Variants in ATXN10 observed in about 807,000 individuals in gnomAD.
The protein encoded by ATXN10 is ataxin 10, also known as ataxin-10.
A neutral mutation model predicts 52.9 loss-of-function variants in ATXN10; 28 were observed. That is an observed-to-expected ratio of 0.53 (90% CI 0.39 to 0.73). ATXN10 has a LOEUF of 0.73. Among genes scored for constraint, ATXN10 ranks in the 30% least tolerant of loss-of-function variants. The pLI, the probability that ATXN10 is intolerant of heterozygous loss-of-function variation, is 0.00. For missense variants in ATXN10, 565 were observed against 577.0 expected (o/e 0.98, Z 0.21); for synonymous variants, 226 against 221.5 (o/e 1.02, Z -0.18).
At chr22:45,788,207 G>A (rs1026495525) in intron 9 of ATXN10, among the ~76,000 whole-genome samples, 39 of 152,228 alleles carry the variant, frequency 2.6e-4, no homozygotes, top group African/African-American at 9.1e-4. Flanking sequence ...CATTTTCAAT[G>A]TATAAGAGAT....
intron 7 of ATXN10, among the ~76,000 whole-genome samples, chr22:45,729,943 C>T (rs1925023599): frequency 6.6e-6 from 1 of 152,084 alleles, no homozygotes; most frequent in African/African-American, 2.4e-5. Flanking sequence ...TCTAGGAGGG[C>T]AGAAATTTTG....
chr22:45,793,218 CAT>C (rs1294089121), intron 9 of ATXN10: 1 of 158,702 alleles, frequency 6.3e-6, no homozygotes, highest in African/African-American at 2.4e-5. Context: ...AACCCAAAGA[CAT>C]AGAATTGTTT....
chr22:45,707,418 A>G (rs1192289908), intron 5 of ATXN10, among the ~76,000 whole-genome samples: 1 of 152,116 alleles, frequency 6.6e-6, no homozygotes, highest in Non-Finnish European at 1.5e-5. Flanking sequence ...ACATACAATA[A>G]TATGATGTGT....
At chr22:45,808,387 G>A (rs1184374079) in intron 10 of ATXN10, among the ~76,000 whole-genome samples, 3 of 152,268 alleles carry the variant, frequency 2.0e-5, no homozygotes, top group Admixed American at 1.3e-4. Context: ...AGTGAAGCAG[G>A]GTGTTCATTG....
intron 6 of ATXN10, among the ~76,000 whole-genome samples, chr22:45,724,082 C>G (rs138160): frequency 1.3e-5 from 2 of 151,798 alleles, no homozygotes; most frequent in Non-Finnish European, 1.5e-5. Flanking sequence ...TTGTTCATTC[C>G]TCAGTTGATG....
chr22:45,806,939 C>T lies in ATXN10; in HGVS notation c.1174-20C>T, dbSNP rs41279803. 0.01 allele frequency: 16,437 copies of T among 1,604,158 alleles called. 127 individuals are homozygous for T. The highest frequency in any genetic ancestry group is 0.033 in the African/African-American group (2,442 of 74,802). ...AGCCATGCTGTTTTCAGTGTATAAA[C>T]TTATCTTCTTTCTCTCTAGGTAAAT... On this transcript the variant is annotated intron_variant, in intron 9 of 11. Transcript: ENST00000252934.
At chr22:45,798,918 C>T (rs1340544707) in intron 9 of ATXN10, among the ~76,000 whole-genome samples, 2 of 152,032 alleles carry the variant, frequency 1.3e-5, no homozygotes, top group Admixed American at 6.5e-5. Flanking sequence ...TAAACTTTAA[C>T]GAAATATGTG....
chr22:45,781,915 C>T lies in ATXN10; in HGVS notation c.1174-25044C>T, dbSNP rs1406415004. Among the ~76,000 whole-genome samples the T allele has an allele frequency of 6.6e-6, 1 of 152,126 alleles. No homozygotes were observed. Among genetic ancestry groups the T allele is most frequent in the Non-Finnish European group, 1.5e-5 (1 of 68,010 alleles). ...ACTGGAGGATGGAATAAAAATTATC[C>T]AGTCTGAACAACAGAAAGAAAATAG... On this transcript the variant is annotated intron_variant, in intron 9 of 11. Coordinates refer to ENST00000252934, the MANE Select transcript of ATXN10 (RefSeq NM_013236.4). The surrounding 1 kb of genome is among the most constrained non-coding windows in gnomAD (Gnocchi z 4.2).
chr22:45,780,647 G>A lies in ATXN10; in HGVS notation c.1174-26312G>A, dbSNP rs1246091239. On this transcript the variant is annotated intron_variant, in intron 9 of 11. Transcript: ENST00000252934. This position sits in a 1 kb window ranked among gnomAD's most constrained non-coding sequence, Gnocchi z 4.0. Reference sequence around the variant, plus strand: ...CGTGAACAGTGCTGGCCAATGCTTAGTACATATTAACTGCCTTTATTTTTG... The same window carrying A: ...CGTGAACAGTGCTGGCCAATGCTTAATACATATTAACTGCCTTTATTTTTG... 2.0e-5 allele frequency among the ~76,000 whole-genome samples: 3 copies of A among 152,220 alleles called. No individual in the cohort carries two copies. Among genetic ancestry groups the A allele is most frequent in the African/African-American group, 7.2e-5 (3 of 41,450 alleles).
intron 2 of ATXN10, among the ~76,000 whole-genome samples, chr22:45,691,004 T>C (rs1188911604): frequency 6.6e-6 from 1 of 152,176 alleles, no homozygotes; most frequent in Non-Finnish European, 1.5e-5. Flanking sequence ...TAGACACATA[T>C]ACCCGAGGCT....
At position 45,672,119 on chromosome 22, in the gene ATXN10, C is replaced by G; in HGVS notation, c.56C>G (p.Pro19Arg). The G allele has an allele frequency of 6.5e-7, 1 of 1,540,338 alleles. No homozygotes were observed. Among genetic ancestry groups the G allele is most frequent in the East Asian group, 2.5e-5 (1 of 40,780 alleles). ...CTGTCGGGCGTCATGGTGCCGGCGC[C>G]CATCCAAGACCTGGAGGCCCTGCGC... is the stretch of plus-strand genomic sequence containing the variant. ...ARLSGVMVPA[P>R]IQDLEALRAL... The change falls in exon 1 of 12, where the codon CCC becomes CGC. Residue 19 changes from proline (P) to arginine (R), a missense_variant. Pro to Arg is a moderately radical substitution (Grantham distance 103). Coordinates refer to ENST00000252934, the MANE Select transcript of ATXN10 (RefSeq NM_013236.4).
chr22:45,729,447 A>G lies in ATXN10; in HGVS notation c.751A>G (p.Ile251Val), dbSNP rs745479298. 2.5e-6 allele frequency: 4 copies of G among 1,614,188 alleles called. No individual in the cohort carries two copies. The South Asian group carries it at 4.4e-5, about 18-fold the overall frequency. Residue 251 changes from isoleucine (I) to valine (V), a missense_variant, in exon 7 of 12, where the codon ATA becomes GTA. Physicochemically the swap from Ile to Val is conservative, Grantham distance 29. Coordinates refer to ENST00000252934, the MANE Select transcript of ATXN10 (RefSeq NM_013236.4). ...QERVTLLDLM[I>V]AKITSDEPLT... is the part of the protein sequence containing the mutation. ...CAGAGTTACACTGTTAGACCTTATG[A>G]TAGCCAAGATAACGAGTGATGAGCC...
At position 45,834,799 on chromosome 22, in the gene ATXN10, C is replaced by T. The variant is rs148360718; in HGVS notation, c.1238-8192C>T. 5.4e-4 allele frequency among the ~76,000 whole-genome samples: 83 copies of T among 152,306 alleles called. 1 individual carries two copies. In the East Asian group the frequency reaches 0.012, roughly 22 times the overall value. ...TCGTGCACCGTGGCCTGAATGTCTGCGGTGTGCATGGGTGTGCCAGGCACT... is the reference window on the plus strand; with the variant it reads ...TCGTGCACCGTGGCCTGAATGTCTGTGGTGTGCATGGGTGTGCCAGGCACT... On this transcript the variant is annotated intron_variant, in intron 10 of 11. Coordinates refer to ENST00000252934, the MANE Select transcript of ATXN10 (RefSeq NM_013236.4).
chr22:45,679,528 A>G (rs1024273490), intron 1 of ATXN10: 4 of 152,368 alleles, frequency 2.6e-5, no homozygotes, highest in African/African-American at 9.6e-5. Context: ...GTGTATACAC[A>G]CGCACATGGA....
chr22:45,807,045 A>T, intron 10 of ATXN10, 23 bp downstream of exon 10: 1 of 1,608,222 alleles, frequency 6.2e-7, no homozygotes, highest in Non-Finnish European at 8.5e-7. Flanking sequence ...GTGAATTACC[A>T]TGCACAAGTT....
At chr22:45,767,571 A>G (rs867787806) in intron 9 of ATXN10, among the ~76,000 whole-genome samples, 25 of 152,138 alleles carry the variant, frequency 1.6e-4, no homozygotes, top group African/African-American at 5.6e-4. Context: ...AGGGATAGAA[A>G]CTAAAATTCT....
rs139640644 is a variant in ATXN10, at chr22:45,774,818, A to C, written c.1174-32141A>C. 0.03 allele frequency among the ~76,000 whole-genome samples: 4,595 copies of C among 152,258 alleles called. 225 individuals carry two copies. Among genetic ancestry groups the C allele is most frequent in the African/African-American group, 0.11 (4,373 of 41,538 alleles). On this transcript the variant is annotated intron_variant, in intron 9 of 11. Coordinates refer to ENST00000252934, the MANE Select transcript of ATXN10 (RefSeq NM_013236.4). The surrounding 1 kb of genome is among the most constrained non-coding windows in gnomAD (Gnocchi z 6.2). ...TGTGGTGGCACGCGCCTGTAATCCC[A>C]GTTACTGGGGAGGCTGAGGCAGGAG... is the stretch of plus-strand genomic sequence containing the variant.
intron 6 of ATXN10, among the ~76,000 whole-genome samples, chr22:45,723,305 G>A (rs1924734583): frequency 1.3e-5 from 2 of 151,932 alleles, no homozygotes; most frequent in South Asian, 2.1e-4. Context: ...GTATAGTGGT[G>A]TGGTTTTGGT....
At position 45,715,914 on chromosome 22, in the gene ATXN10, A is replaced by G. The variant is rs576709363; in HGVS notation, c.648-2499A>G. 3.9e-5 allele frequency among the ~76,000 whole-genome samples: 6 copies of G among 152,338 alleles called. No homozygotes were observed. The highest frequency in any genetic ancestry group is 7.2e-5 in the African/African-American group (3 of 41,578). On this transcript the variant is annotated intron_variant, in intron 5 of 11. Transcript: ENST00000252934. This position sits in a 1 kb window ranked among gnomAD's most constrained non-coding sequence, Gnocchi z 4.4. ...ATCTGATTGATTTGTCAAAAAAGAA[A>G]TCACAGGCAAATTAGAAAATATTTT...
Sources: gnomAD v4.1 joint callset for allele counts (sites outside exome capture counted in the v4.1 genomes callset) on GRCh38, gnomAD v4.1.1 for gene constraint, Gnocchi (gnomAD v3.1) non-coding constraint, MANE v1.5 for transcripts, NCBI Gene and HGNC (gene_info 2026-07-23, HGNC 2026-07-21) for gene names.